The following CAMK1D variants were observed in gnomAD, a reference collection of about 807,000 sequenced individuals.
CAMK1D encodes the protein calcium/calmodulin dependent protein kinase ID.
CAMK1D carries 9 observed loss-of-function variants against 47.7 expected under a neutral mutation model. The observed-to-expected ratio is 0.19, with a 90% CI of 0.11 to 0.33. The LOEUF (loss-of-function observed/expected upper bound fraction) is 0.33. Among genes scored for constraint, CAMK1D ranks in the 10% least tolerant of loss-of-function variants. The probability of loss-of-function intolerance (pLI) is 1.00; values close to 1 mark genes in which losing one functional copy is unlikely to be tolerated. For missense variants in CAMK1D, 291 were observed against 488.7 expected, an observed-to-expected ratio of 0.60 and a Z score of 3.81; for synonymous variants, 184 against 184.9, an observed-to-expected ratio of 0.99 and a Z score of 0.04.
At chr10:12,526,513 A>G (rs1835626204) in intron 1 of CAMK1D, among the ~76,000 whole-genome samples, 1 of 152,112 alleles carries the variant, frequency 6.6e-6, no homozygotes, top group Admixed American at 6.5e-5. Context: ...TTGTCAGAAG[A>G]TGGATGTGTC....
At chr10:12,740,482 C>CA (rs1835380220) in intron 3 of CAMK1D, among the ~76,000 whole-genome samples, 1 of 152,160 alleles carries the variant, frequency 6.6e-6, no homozygotes, top group South Asian at 2.1e-4. Context: ...CCTGTAGTCC[C>CA]AGCTACTCGG....
At chr10:12,705,867 G>A (rs1188461965) in intron 3 of CAMK1D, among the ~76,000 whole-genome samples, 1 of 152,224 alleles carries the variant, frequency 6.6e-6, no homozygotes, top group Admixed American at 6.5e-5. Context: ...TTAACTAAAA[G>A]TGATGCTCAC....
intron 1 of CAMK1D, among the ~76,000 whole-genome samples, chr10:12,538,861 A>G (rs1588609963): frequency 2.7e-5 from 4 of 147,624 alleles, no homozygotes; most frequent in South Asian, 4.3e-4. Flanking sequence ...ACTCATGTCC[A>G]TATTGCAGGT....
At chr10:12,818,245 T>G (rs1452874093) in intron 8 of CAMK1D, among the ~76,000 whole-genome samples, 1 of 152,212 alleles carries the variant, frequency 6.6e-6, no homozygotes, top group Non-Finnish European at 1.5e-5. Context: ...TCACAGTATT[T>G]CAGTGTATAA....
At chr10:12,821,032 A>G (rs554692912) in intron 8 of CAMK1D, among the ~76,000 whole-genome samples, 1 of 152,296 alleles carries the variant, frequency 6.6e-6, no homozygotes, top group East Asian at 1.9e-4. Context: ...AATTTATTTT[A>G]AGGATTTAAG....
intron 6 of CAMK1D, among the ~76,000 whole-genome samples, chr10:12,813,177 A>C (rs1345380537): frequency 6.6e-6 from 1 of 152,224 alleles, no homozygotes; most frequent in African/African-American, 2.4e-5. Context: ...ATCCATGGAA[A>C]AATGGGTAGT....
chr10:12,392,906 A>T (rs1838790215), intron 1 of CAMK1D, among the ~76,000 whole-genome samples: 1 of 131,754 alleles, frequency 7.6e-6, no homozygotes. Context: ...TTTTTCTTCC[A>T]AATTTTCCTA....
chr10:12,375,675 C>T (rs527515600), intron 1 of CAMK1D, among the ~76,000 whole-genome samples: 3 of 152,264 alleles, frequency 2.0e-5, no homozygotes, highest in Admixed American at 6.5e-5. Context: ...TTGCCTGTGT[C>T]CTAGGGTATC....
intron 5 of CAMK1D, among the ~76,000 whole-genome samples, chr10:12,788,046 T>A (rs1486233645): frequency 6.6e-6 from 1 of 152,182 alleles, no homozygotes; most frequent in African/African-American, 2.4e-5. Flanking sequence ...ACAAGAGATG[T>A]ATATTCTTGT....
intron 3 of CAMK1D, among the ~76,000 whole-genome samples, chr10:12,706,692 G>T (rs186966044): frequency 9.7e-4 from 146 of 151,226 alleles, no homozygotes; most frequent in Non-Finnish European, 1.2e-3. Context: ...AGGGAGCCAA[G>T]ATTGTGCCAC....
intron 1 of CAMK1D, among the ~76,000 whole-genome samples, chr10:12,438,643 ACCT>A (rs1223809525): frequency 6.6e-6 from 1 of 152,152 alleles, no homozygotes; most frequent in African/African-American, 2.4e-5. Context: ...ACGACTGCTG[ACCT>A]CTTACCCAGG....
intron 9 of CAMK1D, among the ~76,000 whole-genome samples, chr10:12,825,339 T>C (rs1445532039): frequency 6.7e-6 from 1 of 150,270 alleles, no homozygotes. Flanking sequence ...TATGTATTTA[T>C]GATGTCAGAA....
chr10:12,425,623 C>G (rs1237700630), intron 1 of CAMK1D, among the ~76,000 whole-genome samples: 1 of 152,168 alleles, frequency 6.6e-6, no homozygotes, highest in Admixed American at 6.5e-5. Context: ...CTCTTCTTAG[C>G]CCTGTGCACC....
At chr10:12,527,760 C>G (rs962906755) in intron 1 of CAMK1D, among the ~76,000 whole-genome samples, 2 of 152,174 alleles carry the variant, frequency 1.3e-5, no homozygotes, top group Non-Finnish European at 2.9e-5. Flanking sequence ...CTTCAACTTT[C>G]GACTTCACTG....
intron 1 of CAMK1D, among the ~76,000 whole-genome samples, chr10:12,529,678 T>C (rs1197543932): frequency 6.6e-6 from 1 of 152,222 alleles, no homozygotes; most frequent in Non-Finnish European, 1.5e-5. Context: ...CCTTACTCCA[T>C]GTACGGGGTC....
At chr10:12,656,002 C>G (rs1439098198) in intron 2 of CAMK1D, among the ~76,000 whole-genome samples, 1 of 152,116 alleles carries the variant, frequency 6.6e-6, no homozygotes, top group Non-Finnish European at 1.5e-5. Flanking sequence ...TGCACTTTGC[C>G]TCATTATAAG....
rs577337933 is a variant in CAMK1D at position 12,443,672 on chromosome 10, C to T, written c.92+93762C>T. ...TGAGACGGAGTCTCGTTCTTTTGCCCAGGCTGGAGTAAAGTGGAGTGATCT... is the reference window on the plus strand; with the variant it reads ...TGAGACGGAGTCTCGTTCTTTTGCCTAGGCTGGAGTAAAGTGGAGTGATCT... On this transcript the variant is annotated intron_variant, in intron 1 of 10. Transcript: ENST00000619168. 1.1e-3 allele frequency among the ~76,000 whole-genome samples: 163 copies of T among 152,092 alleles called. 1 individual carries two copies. Among genetic ancestry groups the T allele is most frequent in the African/African-American group, 3.7e-3 (155 of 41,494 alleles).
chr10:12,515,713 C>T (rs997690749), intron 1 of CAMK1D, among the ~76,000 whole-genome samples: 9 of 150,958 alleles, frequency 6.0e-5, no homozygotes, highest in Admixed American at 2.6e-4. Flanking sequence ...GGGTTCACGC[C>T]ATTCTCCTGC....
intron 1 of CAMK1D, among the ~76,000 whole-genome samples, chr10:12,408,754 C>T (rs1839541123): frequency 6.6e-6 from 1 of 152,080 alleles, no homozygotes. Flanking sequence ...CTGTGATGTG[C>T]CCACGTGTTG....
Sources: allele counts gnomAD v4.1 joint callset (sites outside exome capture counted in the v4.1 genomes callset), GRCh38; gene constraint gnomAD v4.1.1; transcripts MANE v1.5; gene names NCBI Gene and HGNC (gene_info 2026-07-23, HGNC 2026-07-21).